SLC6A13: variants seen among roughly 807,000 people sequenced by gnomAD.
SLC6A13 encodes the protein solute carrier family 6 member 13.
SLC6A13 carries 69 observed loss-of-function variants against 72.9 expected under a neutral mutation model. That is an observed-to-expected ratio of 0.95 (90% CI 0.78 to 1.16). SLC6A13 has a LOEUF of 1.16. Ranked by LOEUF, SLC6A13 falls within the 50% of genes most tolerant of loss-of-function variation. SLC6A13 has a pLI of 0.00. For synonymous variants in SLC6A13, 303 were observed against 303.0 expected, an observed-to-expected ratio of 1.00 and a Z score of 0.00; for missense variants, 735 against 760.5, an observed-to-expected ratio of 0.97 and a Z score of 0.39.
rs1297686590 is a variant in SLC6A13, at chr12:254,979, T to G, written c.202+4872A>C. Among the ~76,000 whole-genome samples, 2 of 152,008 alleles carry G rather than the reference T, an allele frequency of 1.3e-5. No individual in the cohort carries two copies. Among genetic ancestry groups the G allele is most frequent in the African/African-American group, 4.8e-5 (2 of 41,364 alleles). On this transcript the variant is annotated intron_variant, in intron 2 of 14. Transcript: ENST00000343164. The surrounding 1 kb of genome is among the most constrained non-coding windows in gnomAD (Gnocchi z 4.4). ...CTGGCCAACATGGCGAAACCCCCTCTCTATTAAAAACAACAACAACAACAA... is the reference window on the plus strand; with the variant it reads ...CTGGCCAACATGGCGAAACCCCCTCGCTATTAAAAACAACAACAACAACAA...
Position 237,147 on chromosome 12 carries a change from C to A in SLC6A13, c.696+11G>T. The A allele has an allele frequency of 1.2e-6, 2 of 1,613,766 alleles. No homozygotes were observed. Among genetic ancestry groups the A allele is most frequent in the Non-Finnish European group, 8.5e-7 (1 of 1,179,828 alleles). On this transcript the variant is annotated intron_variant, in intron 6 of 14. Transcript: ENST00000343164. ...CCGGGAATGGGAGGGGCAGGAGCTC[C>A]CCACACGAACCTTGCCTGTGGACTT... is the stretch of plus-strand genomic sequence containing the variant.
intron 9 of SLC6A13, among the ~76,000 whole-genome samples, chr12:226,113 A>G (rs1482803089): frequency 6.6e-6 from 1 of 152,210 alleles, no homozygotes; most frequent in Non-Finnish European, 1.5e-5. Context: ...TGTCTAAACT[A>G]TTTCTGGAAG....
At chr12:255,602 G>A (rs1591869555) in intron 2 of SLC6A13, among the ~76,000 whole-genome samples, 2 of 152,174 alleles carry the variant, frequency 1.3e-5, no homozygotes, top group Admixed American at 6.5e-5. Flanking sequence ...AGGCTGAGGC[G>A]GGAGAATCAC....
intron 11 of SLC6A13, 91 bp from the exon 12 acceptor site, chr12:223,325 C>A (rs1941296930): frequency 4.1e-6 from 3 of 723,132 alleles, no homozygotes; most frequent in Non-Finnish European, 7.0e-6. Flanking sequence ...ACGGTGGAGG[C>A]ACAGAGCAGA....
intron 11 of SLC6A13, 78 bp downstream of exon 11, chr12:223,914 G>A (rs1230413453): frequency 3.9e-6 from 6 of 1,528,498 alleles, no homozygotes; most frequent in Non-Finnish European, 5.4e-6. Flanking sequence ...CGGGAGCCAG[G>A]GTATCTGCCT....
intron 7 of SLC6A13, among the ~76,000 whole-genome samples, chr12:228,694 C>T (rs183228997): frequency 1.4e-3 from 206 of 152,298 alleles, no homozygotes; most frequent in Admixed American, 3.5e-3. Context: ...AGCCCCTACC[C>T]CTTGCTCCCT....
chr12:242,857 C>T (rs1942217020), intron 3 of SLC6A13, 103 bp from the exon 4 acceptor site: 1 of 1,041,440 alleles, frequency 9.6e-7, no homozygotes, highest in Non-Finnish European at 1.4e-6. Flanking sequence ...TTGTCTGAGG[C>T]TGGGAGTTCA....
At chr12:227,352 C>G (rs1941502585) in intron 8 of SLC6A13, 1 of 440,768 alleles carries the variant, frequency 2.3e-6, no homozygotes, top group African/African-American at 2.1e-5. Flanking sequence ...CCCAGCCAAT[C>G]ACAACTATCC....
At chr12:250,932 G>A (rs534230976) in intron 2 of SLC6A13, among the ~76,000 whole-genome samples, 1 of 151,654 alleles carries the variant, frequency 6.6e-6, no homozygotes, top group South Asian at 2.1e-4. Context: ...CAAGGTGGGT[G>A]GATCACGAGG....
chr12:226,888 A>G (rs1314579404), intron 8 of SLC6A13: 1 of 180,580 alleles, frequency 5.5e-6, no homozygotes, highest in African/African-American at 2.4e-5. Context: ...CTAATGGGTA[A>G]TCCCAAACAA....
intron 1 of SLC6A13, 54 bp downstream of exon 1, chr12:262,735 A>G (rs1942968541): frequency 1.0e-6 from 1 of 982,346 alleles, no homozygotes; most frequent in Non-Finnish European, 1.2e-6. Context: ...GATCCCACCA[A>G]CCTGCAGTCT....
rs139946509 is a variant in SLC6A13 at position 225,992 on chromosome 12, G to A, written c.1060+398C>T. 7.2e-5 allele frequency among the ~76,000 whole-genome samples: 11 copies of A among 152,314 alleles called. 1 individual carries two copies. In the East Asian group the frequency reaches 7.7e-4, roughly 11 times the overall value. ...TAGTGAACAAAACGAGGCCAGGTGC[G>A]GAAGAGTGTGTATAATATGTTATCA... is the stretch of plus-strand genomic sequence containing the variant. On this transcript the variant is annotated intron_variant, in intron 9 of 14. Transcript: ENST00000343164.
intron 3 of SLC6A13, among the ~76,000 whole-genome samples, 199 bp downstream of exon 3, chr12:243,480 C>A (rs1223575775): frequency 1.3e-5 from 2 of 152,220 alleles, no homozygotes; most frequent in African/African-American, 4.8e-5. Flanking sequence ...GCCTCTGCCC[C>A]ATCCTCACTG....
intron 7 of SLC6A13, 78 bp downstream of exon 7, chr12:235,012 C>A (rs1199110700): frequency 6.4e-7 from 1 of 1,560,010 alleles, no homozygotes; most frequent in East Asian, 2.2e-5. Context: ...TGCGGGGGTT[C>A]CCCGTCAGAG....
chr12:242,506 G>T, intron 4 of SLC6A13, 108 bp downstream of exon 4: 1 of 886,110 alleles, frequency 1.1e-6, no homozygotes, highest in Non-Finnish European at 1.7e-6. Context: ...TGGTCGACTT[G>T]GGTGATTTCT....
rs750996271 is a variant in SLC6A13 at position 224,512 on chromosome 12, G to A, written c.1062C>T (p.Gly354=). 1.1e-5 allele frequency: 18 copies of A among 1,613,444 alleles called. No individual in the cohort carries two copies. The highest frequency in any genetic ancestry group is 1.5e-5 in the Non-Finnish European group (18 of 1,179,590). Residue 354 remains glycine (G), a splice_region_variant and synonymous_variant, in exon 10 of 15, where the codon GGC becomes GGT. Transcript: ENST00000343164. ...GGTAAGCGATGAAAGCCAGGCCAGG[G>A]CCTACGACAAGGAGCAGAGGAACAC... The part of the protein sequence containing the change: ...GVPISEVAES[G]PGLAFIAYPR...
intron 2 of SLC6A13, among the ~76,000 whole-genome samples, chr12:251,895 C>G (rs1942566931): frequency 6.6e-6 from 1 of 152,020 alleles, no homozygotes; most frequent in South Asian, 2.1e-4. Flanking sequence ...CTCAGAAGGT[C>G]AAGGATGCAG....
chr12:237,424 C>T (rs1941975398), intron 5 of SLC6A13, 134 bp from the exon 6 acceptor site: 1 of 931,206 alleles, frequency 1.1e-6, no homozygotes, highest in Non-Finnish European at 1.6e-6. Flanking sequence ...CACATGAGGC[C>T]ATCCTTAGCC....
rs750263097 is a variant in SLC6A13, at chr12:221,396, G to T, written c.1666C>A (p.Leu556Ile). Residue 556 changes from leucine (L) to isoleucine (I), a missense_variant, in exon 14 of 15, where the codon CTC becomes ATC. Transcript: ENST00000343164. ...CCTACCTCTCTGAAGGGGCCCTTGA[G>T]GGTTCCGAGTCTGTAGAGGCTCCAG... ...PAWSLYRLGTLKGPFRERIRQ... is the reference protein window; with the variant it reads ...PAWSLYRLGTIKGPFRERIRQ... 1 of 1,606,186 alleles carries T rather than the reference G, an allele frequency of 6.2e-7. No homozygotes were observed. The highest frequency in any genetic ancestry group is 8.5e-7 in the Non-Finnish European group (1 of 1,176,316).
Sources: allele counts gnomAD v4.1 joint callset (sites outside exome capture counted in the v4.1 genomes callset), GRCh38; gene constraint gnomAD v4.1.1; non-coding constraint Gnocchi (gnomAD v3.1); transcripts MANE v1.5; gene names NCBI Gene and HGNC (gene_info 2026-07-23, HGNC 2026-07-21).